HLTF: variants seen among roughly 807,000 people sequenced by gnomAD.
HLTF encodes the protein helicase like transcription factor.
In HLTF, 127 loss-of-function variants were observed where a neutral mutation model predicts 129.4. The ratio of observed to expected loss-of-function variants is 0.98; its 90% confidence interval spans 0.85 to 1.14. The LOEUF is 1.14. HLTF is among the 50% of genes most tolerant of loss of function. The pLI is 0.00. For missense variants in HLTF, 1,139 were observed against 1,187.1 expected (o/e 0.96, Z 0.60); for synonymous variants, 332 against 388.8 (o/e 0.85, Z 1.72).
chr3:149,071,562 T>TA, intron 6 of HLTF, 21 bp downstream of exon 6: 1 of 1,541,696 alleles, frequency 6.5e-7, no homozygotes, highest in Non-Finnish European at 8.9e-7. Flanking sequence ...TAGTCTTAAA[T>TA]AAAAAATATT....
At chr3:149,064,532 A>T (rs1300687995) in intron 9 of HLTF, among the ~76,000 whole-genome samples, 2 of 151,972 alleles carry the variant, frequency 1.3e-5, no homozygotes, top group Non-Finnish European at 2.9e-5. Flanking sequence ...CTTTCATGAG[A>T]TTTTTTTTCA....
intron 4 of HLTF, 28 bp downstream of exon 4, chr3:149,074,187 A>G: frequency 6.3e-7 from 1 of 1,592,736 alleles, no homozygotes; most frequent in Non-Finnish European, 8.6e-7. Context: ...CAATATCAGA[A>G]TAATATTAAG....
intron 8 of HLTF, 54 bp from the exon 9 acceptor site, chr3:149,064,920 T>G: frequency 1.0e-6 from 1 of 995,242 alleles, no homozygotes; most frequent in South Asian, 1.4e-5. Context: ...TTAAATAACT[T>G]TAAATGCATC....
intron 2 of HLTF, among the ~76,000 whole-genome samples, chr3:149,079,031 A>G (rs1416231528): frequency 1.3e-5 from 2 of 152,208 alleles, no homozygotes; most frequent in Admixed American, 6.5e-5. Context: ...TTGAGCAGGC[A>G]TAAGAAAAAT....
intron 4 of HLTF, 149 bp from the exon 5 acceptor site, chr3:149,073,471 T>A: frequency 1.7e-6 from 1 of 594,170 alleles, no homozygotes; most frequent in Non-Finnish European, 3.0e-6. Flanking sequence ...AGGCAGGTGG[T>A]TTGCCTGAGT....
At chr3:149,071,929 T>C (rs1426286564) in intron 5 of HLTF, among the ~76,000 whole-genome samples, 3 of 152,088 alleles carry the variant, frequency 2.0e-5, no homozygotes, top group Non-Finnish European at 4.4e-5. Flanking sequence ...GGTGCATGCC[T>C]GTAGTTCTGG....
At position 149,055,393 on chromosome 3, in the gene HLTF, A is replaced by C. The variant is rs1480336916; in HGVS notation, c.1383T>G (p.Cys461Trp). The change falls in exon 14 of 25, where the codon TGT (cysteine) becomes TGG (tryptophan). Residue 461 changes from cysteine (C) to tryptophan (W), a missense_variant. By Grantham distance (215) the Cys-to-Trp change is radical. Coordinates refer to ENST00000310053, the MANE Select transcript of HLTF (RefSeq NM_003071.4). ...CAGTTTTCTTTGACCCCTCCACTGCACAAGCTCCTAAAAAAATGAACCACT... is the reference window on the plus strand; with the variant it reads ...CAGTTTTCTTTGACCCCTCCACTGCCCAAGCTCCTAAAAAAATGAACCACT... ...TKKKMLKKGA[C>W]AVEGSKKTDV... 3.7e-6 allele frequency: 6 copies of C among 1,611,534 alleles called. No homozygotes were observed. The highest frequency in any genetic ancestry group is 5.1e-6 in the Non-Finnish European group (6 of 1,177,746).
intron 23 of HLTF, among the ~76,000 whole-genome samples, chr3:149,035,614 G>C (rs539119818): frequency 1.4e-4 from 18 of 131,072 alleles, no homozygotes; most frequent in African/African-American, 5.3e-4. Context: ...AGCCGAGATC[G>C]CGCCACTGCA....
At chr3:149,046,050 A>G (rs756062602) in intron 18 of HLTF, 30 bp downstream of exon 18, 1 of 1,546,654 alleles carries the variant, frequency 6.5e-7, no homozygotes, top group South Asian at 1.2e-5. Context: ...AACAAAAACT[A>G]ATTTTTAACA....
intron 23 of HLTF, among the ~76,000 whole-genome samples, chr3:149,036,581 G>A (rs140636625): frequency 0.018 from 2,738 of 151,936 alleles, 87 homozygotes; most frequent in African/African-American, 0.062. Flanking sequence ...GAGCCTCCGC[G>A]CCAGGCCATA....
chr3:149,060,927 T>C, intron 10 of HLTF, 69 bp from the exon 11 acceptor site: 1 of 1,023,404 alleles, frequency 9.8e-7, no homozygotes, highest in Non-Finnish European at 1.5e-6. Context: ...CAAACATGTT[T>C]AATAAATGCA....
At chr3:149,038,936 C>T in intron 23 of HLTF, 113 bp downstream of exon 23, 1 of 576,090 alleles carries the variant, frequency 1.7e-6, no homozygotes, top group Non-Finnish European at 2.8e-6. Flanking sequence ...CTAAAGTTTG[C>T]CTAAGAATTT....
Position 149,040,077 on chromosome 3 carries a change from C to T in HLTF, c.2456G>A (p.Arg819His), listed in dbSNP as rs2229361. 0.035 allele frequency: 55,597 copies of T among 1,610,690 alleles called. 1,112 individuals carry two copies. The highest frequency in any genetic ancestry group is 0.052 in the South Asian group (4,687 of 90,734). Residue 819 changes from arginine to histidine, a missense_variant, in exon 21 of 25, where the codon CGT (arginine) becomes CAT (histidine). Transcript: ENST00000310053. ...LLECPPEELA[R>H]DSEKKSDMEW... ...CATATCAGACTTTTTCTCACTGTCA[C>T]GTGCTAATTCTTCTGGAGGACATTC...
intron 10 of HLTF, among the ~76,000 whole-genome samples, chr3:149,062,508 T>C (rs114986110): frequency 1.1e-3 from 170 of 152,330 alleles, no homozygotes; most frequent in African/African-American, 3.7e-3. Context: ...TTGCGATGAC[T>C]TGTGTAGATA....
chr3:149,063,395 A>G (rs753966730), intron 10 of HLTF, 36 bp downstream of exon 10: 2 of 1,310,512 alleles, frequency 1.5e-6, no homozygotes, highest in Non-Finnish European at 1.1e-6. Flanking sequence ...CAGAGTCTAA[A>G]TAAACATATG....
chr3:149,071,474 A>G (rs1718856210), intron 6 of HLTF, 31 bp from the exon 7 acceptor site: 10 of 1,551,704 alleles, frequency 6.4e-6, no homozygotes, highest in Non-Finnish European at 8.0e-6. Context: ...AGCGAAATAC[A>G]TTAAGCCATT....
rs1211925640 is a variant in HLTF at position 149,031,955 on chromosome 3, T to C, written c.*265A>G. ...GATACGTGAAAATACTCAGCATAGA[T>C]ATTATGAAAAGCTGAATAACAAAGT... On this transcript the variant is annotated 3_prime_UTR_variant, in exon 25 of 25. Coordinates refer to ENST00000310053, the MANE Select transcript of HLTF (RefSeq NM_003071.4). 1 of 228,928 alleles carries C rather than the reference T, an allele frequency of 4.4e-6. No homozygotes were observed. Among genetic ancestry groups the C allele is most frequent in the Non-Finnish European group, 8.3e-6 (1 of 119,866 alleles). 14.2% of individuals were successfully genotyped at this position (228,928 alleles called of 1,614,324 possible). A position where few individuals can be genotyped will look rare whatever the true frequency, so the allele number is the denominator to read the frequency against.
rs539590777 is a variant in HLTF, at chr3:149,056,891, C to T, written c.1376-1491G>A. Among the ~76,000 whole-genome samples the T allele has an allele frequency of 9.9e-3, 1,470 of 148,216 alleles. 24 individuals carry two copies. The highest frequency in any genetic ancestry group is 0.035 in the African/African-American group (1,389 of 40,174). ...TTGGGAGGCCGAGGCGGGCGGATCA[C>T]GAGGTCAGGAGCTCGAGACCATCCT... On this transcript the variant is annotated intron_variant, in intron 13 of 24. Coordinates refer to ENST00000310053, the MANE Select transcript of HLTF (RefSeq NM_003071.4).
chr3:149,084,005 G>A (rs1051526339), intron 2 of HLTF, among the ~76,000 whole-genome samples: 1 of 151,868 alleles, frequency 6.6e-6, no homozygotes, highest in East Asian at 1.9e-4. Flanking sequence ...ATTAGGATAT[G>A]GAGATTTTAT....
Sources: gnomAD v4.1 joint callset for allele counts (sites outside exome capture counted in the v4.1 genomes callset) on GRCh38, gnomAD v4.1.1 for gene constraint, MANE v1.5 for transcripts, NCBI Gene and HGNC (gene_info 2026-07-23, HGNC 2026-07-21) for gene names.